The following SMAD1 variants were observed in gnomAD, a reference collection of about 807,000 sequenced individuals.
The protein encoded by SMAD1 is MAD, mothers against decapentaplegic homolog 1.
A neutral mutation model predicts 41.6 loss-of-function variants in SMAD1; 6 were observed. The ratio of observed to expected loss-of-function variants is 0.14; its 90% CI spans 0.08 to 0.28. The LOEUF is 0.28. Among genes scored for constraint, SMAD1 ranks in the 10% least tolerant of loss-of-function variants. The pLI is 1.00. For missense variants in SMAD1, 379 were observed against 582.6 expected, an observed-to-expected ratio of 0.65 and a Z score of 3.60; for synonymous variants, 206 against 203.2, an observed-to-expected ratio of 1.01 and a Z score of -0.12.
chr4:145,501,841 G>A (rs1263298107), intron 1 of SMAD1, among the ~76,000 whole-genome samples: 1 of 151,950 alleles, frequency 6.6e-6, no homozygotes, highest in Non-Finnish European at 1.5e-5. Flanking sequence ...TGAGCCTCAA[G>A]TTTATTACTA....
At chr4:145,513,729 G>C (rs115261544) in intron 1 of SMAD1, among the ~76,000 whole-genome samples, 1 of 152,260 alleles carries the variant, frequency 6.6e-6, no homozygotes, top group Non-Finnish European at 1.5e-5. Flanking sequence ...TTCAGTTTTT[G>C]TTGATTGAGG....
At chr4:145,555,089 G>A (rs1732766375) in intron 6 of SMAD1, among the ~76,000 whole-genome samples, 2 of 152,062 alleles carry the variant, frequency 1.3e-5, no homozygotes. Context: ...GTGTTTGTTT[G>A]TTTGTTTGCT....
chr4:145,501,346 A>G (rs1729426200), intron 1 of SMAD1, among the ~76,000 whole-genome samples: 1 of 152,222 alleles, frequency 6.6e-6, no homozygotes, highest in Non-Finnish European at 1.5e-5. Flanking sequence ...ACAATTGGGA[A>G]AGTGGCGTGA....
At chr4:145,511,880 C>T (rs1730097540) in intron 1 of SMAD1, among the ~76,000 whole-genome samples, 1 of 152,126 alleles carries the variant, frequency 6.6e-6, no homozygotes, top group African/African-American at 2.4e-5. Flanking sequence ...CAGTTCTTTG[C>T]TTATTTCTAG....
At chr4:145,505,004 A>G (rs1729684925) in intron 1 of SMAD1, among the ~76,000 whole-genome samples, 1 of 152,132 alleles carries the variant, frequency 6.6e-6, no homozygotes, top group Non-Finnish European at 1.5e-5. Flanking sequence ...TTAGTGTATA[A>G]TCTTCTGTGA....
intron 1 of SMAD1, among the ~76,000 whole-genome samples, chr4:145,494,256 G>A (rs145484837): frequency 6.6e-6 from 1 of 152,272 alleles, no homozygotes; most frequent in Non-Finnish European, 1.5e-5. Flanking sequence ...CACCGCGCCC[G>A]GCCCCAGTTC....
At chr4:145,531,807 A>T (rs983367938) in intron 2 of SMAD1, among the ~76,000 whole-genome samples, 1 of 151,870 alleles carries the variant, frequency 6.6e-6, no homozygotes, top group Non-Finnish European at 1.5e-5. Context: ...GGTAACAGGT[A>T]GCTTGTGTCC....
At position 145,532,428 on chromosome 4, in the gene SMAD1, G is replaced by A. The variant is rs192825650; in HGVS notation, c.401-7376G>A. Among the ~76,000 whole-genome samples, 275 of 152,242 alleles carry A rather than the reference G, an allele frequency of 1.8e-3. 2 individuals are homozygous for A. The highest frequency in any genetic ancestry group is 5.8e-3 in the African/African-American group (241 of 41,554). ...AGGATTGGTGAAATCACCTAGGGGC[G>A]TTTTTTCAGAATATATTTGAGGGGT... On this transcript the variant is annotated intron_variant, in intron 2 of 6. Transcript: ENST00000302085.
At chr4:145,531,802 C>T (rs1486534700) in intron 2 of SMAD1, among the ~76,000 whole-genome samples, 1 of 151,892 alleles carries the variant, frequency 6.6e-6, no homozygotes, top group Non-Finnish European at 1.5e-5. Flanking sequence ...TGCCAGGTAA[C>T]AGGTAGCTTG....
chr4:145,553,542 AG>A (rs1260391904), intron 5 of SMAD1, among the ~76,000 whole-genome samples: 2 of 152,164 alleles, frequency 1.3e-5, no homozygotes, highest in Non-Finnish European at 2.9e-5. Flanking sequence ...GGTGGAGCTC[AG>A]GCTGTAATGC....
chr4:145,553,348 T>C (rs1421555002), intron 5 of SMAD1, among the ~76,000 whole-genome samples: 1 of 152,188 alleles, frequency 6.6e-6, no homozygotes, highest in Non-Finnish European at 1.5e-5. Flanking sequence ...GGGACCAGTT[T>C]CATGGAAGAC....
chr4:145,522,453 T>C (rs1240788064), intron 2 of SMAD1, among the ~76,000 whole-genome samples: 1 of 151,258 alleles, frequency 6.6e-6, no homozygotes, highest in Non-Finnish European at 1.5e-5. Flanking sequence ...AATACAAAAT[T>C]AGCCCACGTG....
chr4:145,511,117 A>G lies in SMAD1; in HGVS notation c.-176-3321A>G, dbSNP rs549533273. On this transcript the variant is annotated intron_variant, in intron 1 of 6. Coordinates refer to ENST00000302085, the MANE Select transcript of SMAD1 (RefSeq NM_005900.3). ...TTAATGTGTGTCTCTTTTAAGTACA[A>G]TATGGTTAAATAATGTTCCCCACAA... is the stretch of plus-strand genomic sequence containing the variant. Among the ~76,000 whole-genome samples the G allele has an allele frequency of 3.8e-4, 58 of 152,152 alleles. 2 individuals are homozygous for G. Among genetic ancestry groups the G allele is most frequent in the Non-Finnish European group, 1.2e-4 (8 of 68,034 alleles).
chr4:145,506,554 C>G (rs981148625), intron 1 of SMAD1, among the ~76,000 whole-genome samples: 6 of 152,106 alleles, frequency 3.9e-5, no homozygotes, highest in African/African-American at 1.4e-4. Context: ...AAAACAGCCT[C>G]TAGTCTGAAG....
intron 1 of SMAD1, among the ~76,000 whole-genome samples, chr4:145,494,687 T>C (rs1374032202): frequency 6.6e-6 from 1 of 152,236 alleles, no homozygotes; most frequent in African/African-American, 2.4e-5. Context: ...ACGGTTGGGC[T>C]GGCACACAGT....
chr4:145,519,845 ACTC>A (rs1420329591), intron 2 of SMAD1, among the ~76,000 whole-genome samples: 1 of 151,658 alleles, frequency 6.6e-6, no homozygotes, highest in African/African-American at 2.4e-5. Context: ...CTAATTCTAC[ACTC>A]TACTTTTATG....
At position 145,558,470 on chromosome 4, in the gene SMAD1, T is replaced by C. The variant is rs1732967777; in HGVS notation, c.*536T>C. On this transcript the variant is annotated 3_prime_UTR_variant, in exon 7 of 7. Coordinates refer to ENST00000302085, the MANE Select transcript of SMAD1 (RefSeq NM_005900.3). The stretch of plus-strand genomic sequence containing the variant: ...TTGATGATATACATAATAATCTTTC[T>C]AAAATTGTATGCTGACCATACTTGC... Among the ~76,000 whole-genome samples, 1 of 152,244 alleles carries C rather than the reference T, an allele frequency of 6.6e-6. No individual in the cohort carries two copies. Among genetic ancestry groups the C allele is most frequent in the South Asian group, 2.1e-4 (1 of 4,832 alleles).
chr4:145,518,923 A>G (rs7673821), intron 2 of SMAD1, among the ~76,000 whole-genome samples: 31,376 of 124,700 alleles, frequency 0.25, 10,111 homozygotes, highest in African/African-American at 0.59. Context: ...TATTTGTGGA[A>G]TACAGTGTTA....
chr4:145,541,482 G>T (rs934686454), intron 3 of SMAD1, among the ~76,000 whole-genome samples: 1 of 152,156 alleles, frequency 6.6e-6, no homozygotes, highest in African/African-American at 2.4e-5. Context: ...AGATAAAGCC[G>T]AGTCAGCCTT....
Sources: allele counts gnomAD v4.1 joint callset (sites outside exome capture counted in the v4.1 genomes callset), GRCh38; gene constraint gnomAD v4.1.1; transcripts MANE v1.5; gene names NCBI Gene and HGNC (gene_info 2026-07-23, HGNC 2026-07-21).